HACL1: variants seen among roughly 807,000 people sequenced by gnomAD.
HACL1 encodes 1600020H07Rik.
In HACL1, 64 loss-of-function variants were observed where a neutral mutation model predicts 74.2. The ratio of observed to expected loss-of-function variants is 0.86; its 90% CI spans 0.70 to 1.06. The LOEUF is 1.06. HACL1 is among the 50% of genes least tolerant of loss of function. The probability of loss-of-function intolerance (pLI) is 0.00; values close to 1 mark genes in which losing one functional copy is unlikely to be tolerated. For missense variants in HACL1, 728 were observed against 719.7 expected, an observed-to-expected ratio of 1.01 and a Z score of -0.13; for synonymous variants, 230 against 238.8, an observed-to-expected ratio of 0.96 and a Z score of 0.34.
chr3:15,583,141 T>C (rs2063740898), intron 7 of HACL1, 152 bp from the exon 8 acceptor site: 2 of 546,502 alleles, frequency 3.7e-6, no homozygotes, highest in South Asian at 5.3e-5. Context: ...TTTACCACAT[T>C]TGTTTCATAT....
At chr3:15,593,184 C>T (rs981857897) in intron 3 of HACL1, among the ~76,000 whole-genome samples, 6 of 148,680 alleles carry the variant, frequency 4.0e-5, no homozygotes, top group African/African-American at 1.2e-4. Flanking sequence ...TGTATATATA[C>T]ACACATATAT....
chr3:15,585,071 TATC>T (rs2063771183), intron 7 of HACL1, among the ~76,000 whole-genome samples, 174 bp downstream of exon 7: 2 of 152,240 alleles, frequency 1.3e-5, no homozygotes, highest in South Asian at 4.1e-4. Flanking sequence ...TAACTACTAA[TATC>T]ATTTTAATTA....
chr3:15,584,157 T>C (rs1016550300), intron 7 of HACL1, among the ~76,000 whole-genome samples: 9 of 152,102 alleles, frequency 5.9e-5, no homozygotes, highest in Admixed American at 5.9e-4. Flanking sequence ...AAAAGGACAA[T>C]CTGTATAAAA....
At chr3:15,571,836 T>TC (rs2063539792) in intron 11 of HACL1, 67 bp from the exon 12 acceptor site, 4 of 556,746 alleles carry the variant, frequency 7.2e-6, no homozygotes, top group East Asian at 3.2e-5. Context: ...TTTCTTTTTT[T>TC]TTTTTTTTTT....
intron 9 of HACL1, among the ~76,000 whole-genome samples, chr3:15,577,361 A>G (rs943809625): frequency 6.6e-6 from 1 of 152,016 alleles, no homozygotes; most frequent in African/African-American, 2.4e-5. Context: ...ATTTTAACCC[A>G]TGAATGAAAA....
chr3:15,592,044 CACACTATAT>C (rs1448109955), intron 3 of HACL1, among the ~76,000 whole-genome samples: 17 of 130,454 alleles, frequency 1.3e-4, no homozygotes, highest in African/African-American at 5.5e-4. Flanking sequence ...TATATATACA[CACACTATAT>C]ACGTATATAT....
chr3:15,579,706 A>G (rs2063689512), intron 9 of HACL1, among the ~76,000 whole-genome samples: 1 of 152,236 alleles, frequency 6.6e-6, no homozygotes, highest in African/African-American at 2.4e-5. Context: ...GAAAAACAAC[A>G]TATTACATAC....
chr3:15,582,726 T>C, intron 8 of HACL1, 151 bp downstream of exon 8: 1 of 510,102 alleles, frequency 2.0e-6, no homozygotes, highest in South Asian at 3.3e-5. Flanking sequence ...AGAATAAGTC[T>C]GTAATTTCAA....
chr3:15,595,988 TAATAATAAA>T (rs1249651446), intron 3 of HACL1: 1 of 154,982 alleles, frequency 6.5e-6, no homozygotes, highest in Non-Finnish European at 1.4e-5. Context: ...TATTAATTTT[TAATAATAAA>T]AAGGGGGTGG....
Position 15,592,505 on chromosome 3 carries a change from TATATACACTTGTATAC to T in HACL1, c.228-841_228-826del, listed in dbSNP as rs558038161. ...ATACACTTGTATACATATACACTTG[TATATACACTTGTATAC>T]ATATACACATGTATACACATGTACG... On this transcript the variant is annotated intron_variant, in intron 3 of 16. Transcript: ENST00000321169. Among the ~76,000 whole-genome samples, 32 of 144,016 alleles carry T rather than the reference TATATACACTTGTATAC, an allele frequency of 2.2e-4. 1 individual carries two copies. The highest frequency in any genetic ancestry group is 6.4e-4 in the South Asian group (3 of 4,700). The allele number at this position is 144,016 out of a possible 152,430, so 94.5% of individuals were successfully genotyped here. A position where few individuals can be genotyped will look rare whatever the true frequency, so the allele number is the denominator to read the frequency against.
At chr3:15,575,934 G>A (rs1164004763) in intron 9 of HACL1, among the ~76,000 whole-genome samples, 1 of 151,646 alleles carries the variant, frequency 6.6e-6, no homozygotes, top group Non-Finnish European at 1.5e-5. Flanking sequence ...GAGATAGGTG[G>A]ATCATGAGGT....
chr3:15,575,173 A>G, intron 9 of HACL1, 91 bp from the exon 10 acceptor site: 1 of 672,704 alleles, frequency 1.5e-6, no homozygotes, highest in Non-Finnish European at 2.7e-6. Context: ...AGTCTAAATC[A>G]TTTGGAGCTT....
In HACL1 at chr3:15,561,258, G is replaced by T. The variant is rs542956081; in HGVS notation, c.1705-361C>A. Among the ~76,000 whole-genome samples the T allele has an allele frequency of 3.9e-5, 6 of 152,338 alleles. No homozygotes were observed. The East Asian group carries it at 1.2e-3, about 29-fold the overall frequency. On this transcript the variant is annotated intron_variant, in intron 16 of 16. Transcript: ENST00000321169. ...ACATGAGTAGGAAGAACTGTGCACG[G>T]AAGTCTTTTCCAGAACTAACACCAT...
intron 14 of HACL1, among the ~76,000 whole-genome samples, chr3:15,565,470 C>A (rs1168919985): frequency 2.0e-5 from 3 of 152,174 alleles, no homozygotes; most frequent in African/African-American, 7.2e-5. Context: ...AAACACATTA[C>A]ATGGTGTAGT....
chr3:15,588,305 G>GT (rs1478191463), intron 5 of HACL1, among the ~76,000 whole-genome samples: 9 of 151,996 alleles, frequency 5.9e-5, no homozygotes, highest in African/African-American at 2.4e-5. Context: ...TAAAGACACG[G>GT]TATCTTGGAT....
chr3:15,578,180 A>G (rs1180464484), intron 9 of HACL1, among the ~76,000 whole-genome samples: 2 of 151,848 alleles, frequency 1.3e-5, no homozygotes, highest in Non-Finnish European at 1.5e-5. Context: ...CTTCTTATAC[A>G]TTACTGCCAA....
At chr3:15,575,455 A>C (rs998667408) in intron 9 of HACL1, among the ~76,000 whole-genome samples, 1 of 152,228 alleles carries the variant, frequency 6.6e-6, no homozygotes, top group Admixed American at 6.5e-5. Context: ...TTATGAATAT[A>C]CTGGCAAATT....
At chr3:15,596,916 T>C (rs2064077551) in intron 2 of HACL1, among the ~76,000 whole-genome samples, 1 of 152,174 alleles carries the variant, frequency 6.6e-6, no homozygotes, top group African/African-American at 2.4e-5. Context: ...TTCTAGCTTC[T>C]TAAAATACAA....
chr3:15,590,495 T>A (rs2063871902), intron 4 of HACL1, among the ~76,000 whole-genome samples: 1 of 152,092 alleles, frequency 6.6e-6, no homozygotes, highest in Non-Finnish European at 1.5e-5. Context: ...TTAAATATGT[T>A]CCAAATTGAT....
Sources: gnomAD v4.1 joint callset for allele counts (sites outside exome capture counted in the v4.1 genomes callset) on GRCh38, gnomAD v4.1.1 for gene constraint, MANE v1.5 for transcripts, NCBI Gene and HGNC (gene_info 2026-07-23, HGNC 2026-07-21) for gene names.